Variants in GPLD1 observed in about 807,000 individuals in gnomAD.
The protein encoded by GPLD1 is glycosylphosphatidylinositol specific phospholipase D1, also known as phosphatidylinositol-glycan-specific phospholipase D.
Under a neutral mutation model 112.6 loss-of-function variants are expected in GPLD1, and 84 were observed. That is an observed-to-expected ratio of 0.75 (90% confidence interval 0.63 to 0.89). The LOEUF is 0.89. GPLD1 is among the 40% of genes least tolerant of loss of function. GPLD1 has a pLI of 0.00. For missense variants in GPLD1, 1,044 were observed against 1,051.5 expected, an observed-to-expected ratio of 0.99 and a Z score of 0.10; for synonymous variants, 386 against 403.8, an observed-to-expected ratio of 0.96 and a Z score of 0.53.
intron 2 of GPLD1, among the ~76,000 whole-genome samples, chr6:24,480,520 T>A (rs1375556732): frequency 6.6e-6 from 1 of 152,118 alleles, no homozygotes; most frequent in Non-Finnish European, 1.5e-5. Flanking sequence ...TTTCAATGAT[T>A]CACAGTGAAA....
At chr6:24,448,372 G>C (rs923879987) in intron 15 of GPLD1, among the ~76,000 whole-genome samples, 164 bp from the exon 16 acceptor site, 1 of 136,312 alleles carries the variant, frequency 7.3e-6, no homozygotes, top group Admixed American at 7.5e-5. Context: ...TTGAGGCCAG[G>C]AGTTCAAGAG....
intron 20 of GPLD1, among the ~76,000 whole-genome samples, chr6:24,443,342 G>A (rs1433230428): frequency 1.3e-5 from 2 of 152,126 alleles, no homozygotes; most frequent in African/African-American, 4.8e-5. Context: ...CGATTGGTCA[G>A]CTGCTTAATT....
chr6:24,436,754 C>G lies in GPLD1; in HGVS notation c.2198-18G>C, dbSNP rs200711803. 6.2e-7 allele frequency: 1 copy of G among 1,611,158 alleles called. No individual in the cohort carries two copies. The highest frequency in any genetic ancestry group is 8.5e-7 in the Non-Finnish European group (1 of 1,178,858). On this transcript the variant is annotated intron_variant, in intron 21 of 24. Coordinates refer to ENST00000230036, the MANE Select transcript of GPLD1 (RefSeq NM_001503.4). ...GATTTCATCTGAAAACAATAAAAACCGACAGAAGGAAGTATTTGACTCCTC... is the reference window on the plus strand; with the variant it reads ...GATTTCATCTGAAAACAATAAAAACGGACAGAAGGAAGTATTTGACTCCTC...
chr6:24,449,993 C>A, intron 14 of GPLD1, 94 bp from the exon 15 acceptor site: 1 of 762,062 alleles, frequency 1.3e-6, no homozygotes. Flanking sequence ...TGGGACAACC[C>A]CCGCCCCCCG....
Position 24,437,182 on chromosome 6 carries a change from T to C in GPLD1, c.2128A>G (p.Ser710Gly). The change falls in exon 21 of 25, where the codon AGC becomes GGC. Residue 710 changes from serine to glycine, a missense_variant. By Grantham distance (56) the Ser-to-Gly change is moderately conservative (BLOSUM62 0). Coordinates refer to ENST00000230036, the MANE Select transcript of GPLD1 (RefSeq NM_001503.4). ...DAQPLLLSTF[S>G]GDRRFSRFGG... Reference sequence around the variant, plus strand: ...AATCGGGAGAAGCGGCGGTCTCCGCTGAAGGTGCTGAGCAGCAGAGGCTGC... The same window carrying C: ...AATCGGGAGAAGCGGCGGTCTCCGCCGAAGGTGCTGAGCAGCAGAGGCTGC... 6.2e-7 allele frequency: 1 copy of C among 1,614,178 alleles called. No individual in the cohort carries two copies. Among genetic ancestry groups the C allele is most frequent in the Middle Eastern group, 1.6e-4 (1 of 6,062 alleles).
chr6:24,435,282 A>T (rs570140113), intron 22 of GPLD1, among the ~76,000 whole-genome samples: 19 of 152,238 alleles, frequency 1.2e-4, no homozygotes, highest in African/African-American at 4.3e-4. Flanking sequence ...AAGTGCTGGG[A>T]TTACAGGCGT....
At chr6:24,484,077 G>T (rs7760684) in intron 2 of GPLD1, among the ~76,000 whole-genome samples, 1 of 151,396 alleles carries the variant, frequency 6.6e-6, no homozygotes, top group Non-Finnish European at 1.5e-5. Flanking sequence ...CACGATGCCC[G>T]GCTAATTTTT....
chr6:24,430,382 C>T (rs932922672), intron 24 of GPLD1, among the ~76,000 whole-genome samples: 3 of 152,182 alleles, frequency 2.0e-5, no homozygotes, highest in Non-Finnish European at 4.4e-5. Context: ...TCTTGGTCAT[C>T]ATACACCAAA....
intron 20 of GPLD1, among the ~76,000 whole-genome samples, chr6:24,439,971 G>A (rs189727213): frequency 6.6e-6 from 1 of 151,992 alleles, no homozygotes; most frequent in African/African-American, 2.4e-5. Context: ...TTGGGATGCA[G>A]GGGTGGTGGG....
intron 3 of GPLD1, among the ~76,000 whole-genome samples, chr6:24,477,064 T>A (rs1441733106): frequency 1.3e-5 from 2 of 151,922 alleles, no homozygotes; most frequent in Non-Finnish European, 2.9e-5. Flanking sequence ...ATCAAGACAT[T>A]TGATTTGCTC....
chr6:24,435,529 T>A (rs979464613), intron 22 of GPLD1, among the ~76,000 whole-genome samples: 3 of 152,152 alleles, frequency 2.0e-5, no homozygotes, highest in Non-Finnish European at 4.4e-5. Context: ...TAATAAACTT[T>A]CACTAATTTT....
upstream of GPLD1, among the ~76,000 whole-genome samples, chr6:24,490,355 A>C (rs568274285): frequency 2.6e-5 from 4 of 152,236 alleles, no homozygotes. Context: ...CTTAAAACAC[A>C]AATTATGCAT....
chr6:24,448,233 G>A (rs1421845164), intron 15 of GPLD1, 25 bp from the exon 16 acceptor site: 5 of 1,495,476 alleles, frequency 3.3e-6, no homozygotes, highest in Non-Finnish European at 4.7e-6. Flanking sequence ...ACAGCAGATA[G>A]ACATGAGGCT....
At chr6:24,468,269 T>C (rs898239461) in intron 7 of GPLD1, among the ~76,000 whole-genome samples, 3 of 152,162 alleles carry the variant, frequency 2.0e-5, no homozygotes, top group African/African-American at 7.2e-5. Context: ...CCCTCACAAT[T>C]TGCCCACAAG....
At chr6:24,439,413 C>A (rs2127321798) in intron 20 of GPLD1, among the ~76,000 whole-genome samples, 1 of 152,304 alleles carries the variant, frequency 6.6e-6, no homozygotes, top group South Asian at 2.1e-4. Context: ...CTGAATGATT[C>A]ATGAATCTAT....
chr6:24,441,321 A>C (rs1762740960), intron 20 of GPLD1, among the ~76,000 whole-genome samples: 1 of 149,508 alleles, frequency 6.7e-6, no homozygotes, highest in Admixed American at 6.7e-5. Flanking sequence ...AAAAAAAAAA[A>C]AGTATATCAA....
chr6:24,481,334 T>C (rs1055236281), intron 2 of GPLD1, among the ~76,000 whole-genome samples: 11 of 146,500 alleles, frequency 7.5e-5, no homozygotes, highest in Non-Finnish European at 1.3e-4. Context: ...AGTTTGGCAA[T>C]ATCCCGCCCT....
chr6:24,433,874 C>T (rs531806803), intron 22 of GPLD1, among the ~76,000 whole-genome samples: 1 of 152,038 alleles, frequency 6.6e-6, no homozygotes, highest in Admixed American at 6.6e-5. Flanking sequence ...AAATACAGGT[C>T]AGAAAAATAA....
intron 12 of GPLD1, among the ~76,000 whole-genome samples, chr6:24,460,016 A>G (rs376546385): frequency 1.4e-4 from 22 of 152,214 alleles, no homozygotes; most frequent in African/African-American, 4.8e-4. Flanking sequence ...CTCCTGCCTT[A>G]GCCTCCCAAG....
Sources: allele counts gnomAD v4.1 joint callset (sites outside exome capture counted in the v4.1 genomes callset), GRCh38; gene constraint gnomAD v4.1.1; transcripts MANE v1.5; gene names NCBI Gene and HGNC (gene_info 2026-07-23, HGNC 2026-07-21).